The following TMEM45B variants were observed in gnomAD, a reference collection of about 807,000 sequenced individuals.
TMEM45B encodes the protein transmembrane protein 45B.
Under a neutral mutation model 27.3 loss-of-function variants are expected in TMEM45B, and 29 were observed. The ratio of observed to expected loss-of-function variants is 1.06; its 90% CI spans 0.79 to 1.45. The LOEUF (loss-of-function observed/expected upper bound fraction) is 1.45. Ranked by LOEUF, TMEM45B falls within the 40% of genes most tolerant of loss-of-function variation. The probability of loss-of-function intolerance (pLI) is 0.00; values close to 1 mark genes in which losing one functional copy is unlikely to be tolerated. For missense variants in TMEM45B, 348 were observed against 343.9 expected (o/e 1.01, Z -0.09); for synonymous variants, 143 against 134.7 (o/e 1.06, Z -0.43).
intron 1 of TMEM45B, among the ~76,000 whole-genome samples, chr11:129,838,242 T>G (rs1426203753): frequency 6.6e-6 from 1 of 152,136 alleles, no homozygotes; most frequent in Admixed American, 6.5e-5. Flanking sequence ...TCGACATTGC[T>G]GATACTCCGG....
At chr11:129,825,971 T>A (rs1260761071) in intron 1 of TMEM45B, among the ~76,000 whole-genome samples, 1 of 120,012 alleles carries the variant, frequency 8.3e-6, no homozygotes, top group African/African-American at 3.1e-5. Flanking sequence ...TACAGAAATA[T>A]ATGTAAGGTT....
intron 2 of TMEM45B, among the ~76,000 whole-genome samples, chr11:129,854,239 T>C (rs1027163883): frequency 1.3e-5 from 2 of 152,236 alleles, no homozygotes; most frequent in Admixed American, 6.5e-5. Flanking sequence ...ACTGCTCACT[T>C]GGCAGGGAAG....
At chr11:129,850,840 C>T (rs1020359853) in intron 1 of TMEM45B, among the ~76,000 whole-genome samples, 2 of 152,158 alleles carry the variant, frequency 1.3e-5, no homozygotes, top group African/African-American at 4.8e-5. Flanking sequence ...CTTAGTGCTC[C>T]GTTCATGGCA....
At chr11:129,819,695 A>G (rs542023780) in intron 1 of TMEM45B, among the ~76,000 whole-genome samples, 2 of 151,898 alleles carry the variant, frequency 1.3e-5, no homozygotes, top group Non-Finnish European at 2.9e-5. Context: ...AGCTGGGATT[A>G]CAGACGTGCA....
chr11:129,830,928 T>C (rs1168845170), intron 1 of TMEM45B, among the ~76,000 whole-genome samples: 1 of 152,202 alleles, frequency 6.6e-6, no homozygotes, highest in Admixed American at 6.5e-5. Flanking sequence ...TCTGACCAAG[T>C]ATTCCACTCC....
At chr11:129,838,133 G>C (rs1591441749) in intron 1 of TMEM45B, among the ~76,000 whole-genome samples, 3 of 152,182 alleles carry the variant, frequency 2.0e-5, no homozygotes, top group African/African-American at 4.8e-5. Flanking sequence ...GAGTTAAGTG[G>C]GATTTAAATA....
chr11:129,841,866 G>A (rs1947700131), intron 1 of TMEM45B, among the ~76,000 whole-genome samples: 1 of 152,106 alleles, frequency 6.6e-6, no homozygotes, highest in Non-Finnish European at 1.5e-5. Flanking sequence ...CCAAAGTGCT[G>A]GGATTACAGG....
At chr11:129,822,785 A>C (rs1006558749) in intron 1 of TMEM45B, among the ~76,000 whole-genome samples, 6 of 151,892 alleles carry the variant, frequency 4.0e-5, no homozygotes, top group Non-Finnish European at 8.8e-5. Context: ...ATGTACAACT[A>C]ATTTACTTTT....
At chr11:129,817,498 G>A (rs1043148690) in intron 1 of TMEM45B, among the ~76,000 whole-genome samples, 7 of 152,190 alleles carry the variant, frequency 4.6e-5, no homozygotes, top group Admixed American at 1.3e-4. Flanking sequence ...TAAGCAGAAG[G>A]TGAGGCATGA....
chr11:129,816,616 C>G, intron 1 of TMEM45B, among the ~76,000 whole-genome samples: 1 of 151,984 alleles, frequency 6.6e-6, no homozygotes, highest in African/African-American at 2.4e-5. Flanking sequence ...TGATCCAGCC[C>G]TAGAGGGAAG....
chr11:129,837,773 G>GTT (rs1318427822), intron 1 of TMEM45B, among the ~76,000 whole-genome samples: 1 of 99,452 alleles, frequency 1.0e-5, no homozygotes, highest in African/African-American at 3.6e-5. Flanking sequence ...ACCCAGGCTA[G>GTT]TTTCTTTTTT....
chr11:129,854,795 G>C lies in TMEM45B; in HGVS notation c.364G>C (p.Ala122Pro). 6.2e-7 allele frequency: 1 copy of C among 1,613,892 alleles called. No individual in the cohort carries two copies. The highest frequency in any genetic ancestry group is 1.1e-5 in the South Asian group (1 of 91,088). The change falls in exon 3 of 6, where the codon GCT becomes CCT. Residue 122 changes from alanine to proline, a missense_variant. By Grantham distance (27) the Ala-to-Pro change is conservative. Transcript: ENST00000281441. ...CTTGGGGGTGGACAGACTGGTTATGGCTGTGGCAGTATTCATGGAAGGTAA... is the reference window on the plus strand; with the variant it reads ...CTTGGGGGTGGACAGACTGGTTATGCCTGTGGCAGTATTCATGGAAGGTAA... ...VPLGVDRLVM[A>P]VAVFMEGFLF...
chr11:129,837,584 G>GTTTTTTTTTTTT (rs1387294363), intron 1 of TMEM45B, among the ~76,000 whole-genome samples: 1 of 34,952 alleles, frequency 2.9e-5, no homozygotes, highest in Non-Finnish European at 6.7e-5. Flanking sequence ...ACTGCACTGG[G>GTTTTTTTTTTTT]CTTTTTTTTT....
chr11:129,836,048 G>A (rs1478657704), intron 1 of TMEM45B, among the ~76,000 whole-genome samples: 2 of 152,092 alleles, frequency 1.3e-5, no homozygotes. Flanking sequence ...AAGCCAGGAG[G>A]CAGAGGGTGG....
intron 1 of TMEM45B, among the ~76,000 whole-genome samples, chr11:129,847,505 TA>T (rs528379990): frequency 1.2e-4 from 18 of 151,746 alleles, no homozygotes; most frequent in African/African-American, 4.4e-4. Flanking sequence ...GGTCAGCAGA[TA>T]AACAAGTGAA....
At position 129,817,717 on chromosome 11, in the gene TMEM45B, T is replaced by C. The variant is rs994925179; in HGVS notation, c.-9+1819T>C. Among the ~76,000 whole-genome samples, 22 of 152,184 alleles carry C rather than the reference T, an allele frequency of 1.4e-4. 1 individual carries two copies. Among genetic ancestry groups the C allele is most frequent in the Admixed American group, 1.2e-3 (19 of 15,278 alleles). ...ATGTTGGTTGTGATGGTCGAGGTAA[T>C]TGAATCTCACATTTGGCACCAGTTA... On this transcript the variant is annotated intron_variant, in intron 1 of 5. Coordinates refer to ENST00000281441, the MANE Select transcript of TMEM45B (RefSeq NM_138788.5).
At chr11:129,821,997 C>T (rs1947425036) in intron 1 of TMEM45B, among the ~76,000 whole-genome samples, 1 of 152,132 alleles carries the variant, frequency 6.6e-6, no homozygotes. Context: ...CTTTCTGAAA[C>T]TTAAATTACT....
chr11:129,831,833 C>T (rs1441838366), intron 1 of TMEM45B, among the ~76,000 whole-genome samples: 40 of 148,962 alleles, frequency 2.7e-4, no homozygotes, highest in African/African-American at 9.1e-4. Context: ...TTTGGGAGGC[C>T]GAGGCAGGCA....
intron 1 of TMEM45B, among the ~76,000 whole-genome samples, chr11:129,845,765 C>T (rs1257719924): frequency 6.6e-6 from 1 of 151,968 alleles, no homozygotes; most frequent in Admixed American, 6.6e-5. Flanking sequence ...AAGGAATTTC[C>T]CTTTTATGCA....
Sources: gnomAD v4.1 joint callset for allele counts (sites outside exome capture counted in the v4.1 genomes callset) on GRCh38, gnomAD v4.1.1 for gene constraint, MANE v1.5 for transcripts, NCBI Gene and HGNC (gene_info 2026-07-23, HGNC 2026-07-21) for gene names.